Variants in OXTR observed in about 807,000 individuals in gnomAD.
The protein encoded by OXTR is oxytocin receptor.
A neutral mutation model predicts 23.9 loss-of-function variants in OXTR; 19 were observed. The observed-to-expected ratio is 0.80, with a 90% CI of 0.56 to 1.17. The LOEUF (loss-of-function observed/expected upper bound fraction) is 1.17, where lower values mean the gene tolerates loss of function less well. Among genes scored for constraint, OXTR ranks in the 50% most tolerant of loss-of-function variants. The pLI is 0.00. For missense variants in OXTR, 500 were observed against 550.7 expected (o/e 0.91, Z 0.92); for synonymous variants, 278 against 250.5 (o/e 1.11, Z -1.04).
intron 3 of OXTR, among the ~76,000 whole-genome samples, chr3:8,762,505 C>T (rs1708510116): frequency 6.6e-6 from 1 of 152,204 alleles, no homozygotes; most frequent in South Asian, 2.1e-4. Flanking sequence ...CCCAGAAGGG[C>T]CGAGCTTGTG....
At chr3:8,760,548 C>G (rs1030169174) in intron 3 of OXTR, among the ~76,000 whole-genome samples, 4 of 152,212 alleles carry the variant, frequency 2.6e-5, no homozygotes, top group African/African-American at 9.7e-5. Flanking sequence ...ACTGGGAAAA[C>G]AGGGATGGTT....
intron 3 of OXTR, among the ~76,000 whole-genome samples, chr3:8,759,120 G>C (rs1488868668): frequency 2.0e-5 from 3 of 152,170 alleles, no homozygotes; most frequent in African/African-American, 7.2e-5. Flanking sequence ...CTTCCAACTA[G>C]CTCAAATCGT....
rs1708683914 is a variant in OXTR, at chr3:8,768,249, C to A, written c.-62G>T. 13 of 1,258,672 alleles carry A rather than the reference C, an allele frequency of 1.0e-5. No homozygotes were observed. The East Asian group carries it at 4.2e-4, about 41-fold the overall frequency. The allele number at this position is 1,258,672 out of a possible 1,614,324, so 78.0% of individuals were successfully genotyped here. ...CCTTTACGGCTTGGCGCGGCTGGGC[C>A]GGATCCGGCGTGTCGGAGGGTGTAG... On this transcript the variant is annotated 5_prime_UTR_variant, in exon 3 of 4. Transcript: ENST00000316793. This position sits in a 1 kb window ranked among gnomAD's most constrained non-coding sequence, Gnocchi z 5.4.
chr3:8,758,466 A>G (rs1708421730), intron 3 of OXTR, among the ~76,000 whole-genome samples: 1 of 152,180 alleles, frequency 6.6e-6, no homozygotes, highest in African/African-American at 2.4e-5. Context: ...GCCTCCCCAG[A>G]GTACCAGGAA....
chr3:8,764,718 G>C (rs1708567616), intron 3 of OXTR, among the ~76,000 whole-genome samples: 1 of 152,216 alleles, frequency 6.6e-6, no homozygotes, highest in South Asian at 2.1e-4. Flanking sequence ...GTGGTGGCCA[G>C]AGTCCACGTC....
At chr3:8,742,504 G>A in the OXTR span, 322 of 456,708 alleles carry the variant, frequency 7.1e-4, no homozygotes, top group Non-Finnish European at 1.1e-3. Flanking sequence ...AGCACAGACT[G>A]AGACACACGC....
At chr3:8,754,268 T>C (rs986741377) in intron 3 of OXTR, among the ~76,000 whole-genome samples, 1 of 152,080 alleles carries the variant, frequency 6.6e-6, no homozygotes, top group Non-Finnish European at 1.5e-5. Flanking sequence ...AAGAAAAAAA[T>C]CCTAATTCTA....
the OXTR span, chr3:8,744,870 G>T: frequency 6.5e-6 from 1 of 153,042 alleles, no homozygotes. Context: ...TTGAACGAGC[G>T]TGTTGTGTTG....
In OXTR at chr3:8,768,366, C is replaced by A. The variant is rs1156827201; in HGVS notation, c.-142-37G>T. ...CGGGAGGGCCGTGAGGAGACCGCCGCGTTTCTCTTCCGACGCGGGTAGGGC... is the reference window on the plus strand; with the variant it reads ...CGGGAGGGCCGTGAGGAGACCGCCGAGTTTCTCTTCCGACGCGGGTAGGGC... On this transcript the variant is annotated intron_variant, in intron 2 of 3. Coordinates refer to ENST00000316793, the MANE Select transcript of OXTR (RefSeq NM_000916.4). The surrounding 1 kb of genome is among the most constrained non-coding windows in gnomAD (Gnocchi z 5.4). 15 of 1,006,308 alleles carry A rather than the reference C, an allele frequency of 1.5e-5. No homozygotes were observed. The highest frequency in any genetic ancestry group is 7.1e-5 in the East Asian group (2 of 27,980). 62.3% of individuals were successfully genotyped at this position (1,006,308 alleles called of 1,614,324 possible).
chr3:8,755,223 C>A lies in OXTR; in HGVS notation c.923-1999G>T, dbSNP rs1039540520. On this transcript the variant is annotated intron_variant, in intron 3 of 3. Transcript: ENST00000316793. ...ACCTACCAGCCACAAAGGGAAGGTT[C>A]GCCCACAAGACTAAAACCAGAATGT... Among the ~76,000 whole-genome samples, 12 of 150,026 alleles carry A rather than the reference C, an allele frequency of 8.0e-5. 1 individual carries two copies. Among genetic ancestry groups the A allele is most frequent in the East Asian group, 2.0e-4 (1 of 5,086 alleles).
rs552470030 is a variant in OXTR, at chr3:8,753,314, T to C, written c.923-90A>G. 7 of 1,437,902 alleles carry C rather than the reference T, an allele frequency of 4.9e-6. No individual in the cohort carries two copies. The African/African-American group carries it at 8.4e-5, about 17-fold the overall frequency. 89.1% of individuals were successfully genotyped at this position (1,437,902 alleles called of 1,614,324 possible). On this transcript the variant is annotated intron_variant, in intron 3 of 3. Coordinates refer to ENST00000316793, the MANE Select transcript of OXTR (RefSeq NM_000916.4). ...CCTATCTGACTTAAACATCATTTCCTGAGCGACAGCCTTGTCCAAGTACTA... is the reference window on the plus strand; with the variant it reads ...CCTATCTGACTTAAACATCATTTCCCGAGCGACAGCCTTGTCCAAGTACTA...
In OXTR at chr3:8,767,862, T is replaced by A; in HGVS notation, c.326A>T (p.Asp109Val). 6.2e-7 allele frequency: 1 copy of A among 1,613,168 alleles called. No individual in the cohort carries two copies. Among genetic ancestry groups the A allele is most frequent in the Non-Finnish European group, 8.5e-7 (1 of 1,179,676 alleles). Residue 109 changes from aspartate to valine, a missense_variant, in exon 3 of 4, where the codon GAC becomes GTC. Coordinates refer to ENST00000316793, the MANE Select transcript of OXTR (RefSeq NM_000916.4). ...GTACTTGACCAGGCGGCACAGCAGG[T>A]CGGGCCCGTAGAAGCGGAAGGTGAT... The part of the protein sequence containing the change: ...WDITFRFYGP[D>V]LLCRLVKYLQ...
At position 8,767,932 on chromosome 3, in the gene OXTR, G is replaced by C. The variant is rs1210956948; in HGVS notation, c.256C>G (p.Leu86Val). 1 of 1,613,484 alleles carries C rather than the reference G, an allele frequency of 6.2e-7. No homozygotes were observed. Among genetic ancestry groups the C allele is most frequent in the Non-Finnish European group, 8.5e-7 (1 of 1,179,838 alleles). ...AGCACCTGAAACACTGCCACCACCA[G>C]GTCGGCGATGCTTAGGTGCTTCATG... ...FFMKHLSIAD[L>V]VVAVFQVLPQ... Residue 86 changes from leucine to valine, a missense_variant, in exon 3 of 4, where the codon CTG (leucine) becomes GTG (valine). Leu to Val is a conservative substitution (Grantham distance 32). Transcript: ENST00000316793.
At chr3:8,743,074 T>A in the OXTR span, among the ~76,000 whole-genome samples, 2 of 150,026 alleles carry the variant, frequency 1.3e-5, no homozygotes, top group Non-Finnish European at 3.0e-5. Flanking sequence ...AACAACCAGG[T>A]CTCATGTGAA....
In OXTR at chr3:8,753,156, G is replaced by C. The variant is rs201778590; in HGVS notation, c.991C>G (p.Leu331Val). 1 of 1,614,190 alleles carries C rather than the reference G, an allele frequency of 6.2e-7. No individual in the cohort carries two copies. Among genetic ancestry groups the C allele is most frequent in the South Asian group, 1.1e-5 (1 of 91,084 alleles). Reference protein sequence around the residue: ...NSCCNPWIYMLFTGHLFHELV... With the variant: ...NSCCNPWIYMVFTGHLFHELV... ...TCGTGGAAGAGGTGGCCCGTGAACA[G>C]CATGTAGATCCAGGGGTTGCAGCAG... Residue 331 changes from leucine (L) to valine (V), a missense_variant, in exon 4 of 4, where the codon CTG (leucine) becomes GTG (valine). Transcript: ENST00000316793.
intron 3 of OXTR, among the ~76,000 whole-genome samples, chr3:8,762,215 C>G (rs1481360716): frequency 2.0e-5 from 3 of 152,214 alleles, no homozygotes; most frequent in Admixed American, 1.3e-4. Flanking sequence ...CCCCTCCTCA[C>G]CCCTCCCGAA....
the OXTR span, among the ~76,000 whole-genome samples, chr3:8,741,830 G>A: frequency 3.9e-5 from 6 of 151,932 alleles, no homozygotes; most frequent in African/African-American, 1.2e-4. Context: ...CACCTTCCCC[G>A]CCCTCTCAGA....
At chr3:8,765,790 T>C (rs1708593934) in intron 3 of OXTR, among the ~76,000 whole-genome samples, 1 of 152,106 alleles carries the variant, frequency 6.6e-6, no homozygotes, top group South Asian at 2.1e-4. Flanking sequence ...GCAAGTGCCT[T>C]CCCCTCTCGG....
chr3:8,753,426 T>C (rs1225965811), intron 3 of OXTR, among the ~76,000 whole-genome samples: 1 of 152,168 alleles, frequency 6.6e-6, no homozygotes, highest in Non-Finnish European at 1.5e-5. Context: ...CAGGCTGTCC[T>C]CCAAACCCTC....
Sources: gnomAD v4.1 joint callset for allele counts (sites outside exome capture counted in the v4.1 genomes callset) on GRCh38, gnomAD v4.1.1 for gene constraint, Gnocchi (gnomAD v3.1) non-coding constraint, MANE v1.5 for transcripts, NCBI Gene and HGNC (gene_info 2026-07-23, HGNC 2026-07-21) for gene names.